The following TNS3 variants were observed in gnomAD, a reference collection of about 807,000 sequenced individuals.
TNS3 encodes tensin-3.
TNS3 carries 45 observed loss-of-function variants against 140.9 expected under a neutral mutation model. That is an observed-to-expected ratio of 0.32 (90% confidence interval 0.25 to 0.41). The LOEUF is 0.41. Among genes scored for constraint, TNS3 ranks in the 10% least tolerant of loss-of-function variants. The pLI is 1.00. For missense variants in TNS3, 1,716 were observed against 1,906.7 expected (o/e 0.90, Z 1.86); for synonymous variants, 815 against 788.4 (o/e 1.03, Z -0.56).
intron 3 of TNS3, among the ~76,000 whole-genome samples, chr7:47,482,346 T>A (rs746842299): frequency 6.6e-6 from 1 of 152,204 alleles, no homozygotes; most frequent in Non-Finnish European, 1.5e-5. Context: ...TGGCCGTTCC[T>A]GTGTCTGGGA....
chr7:47,455,217 C>A lies in TNS3; in HGVS notation c.-75-13162G>T, dbSNP rs111898400. 1.9e-3 allele frequency among the ~76,000 whole-genome samples: 293 copies of A among 152,272 alleles called. 2 individuals carry two copies. The highest frequency in any genetic ancestry group is 6.6e-3 in the African/African-American group (275 of 41,554). On this transcript the variant is annotated intron_variant, in intron 4 of 30. Transcript: ENST00000311160. The stretch of plus-strand genomic sequence containing the variant: ...GCAGCCAGCTGGTTCCATACAATAG[C>A]TCAATGTTTGCAAGGCTGAGGGAAG...
chr7:47,494,430 T>C (rs1797925160), intron 3 of TNS3, among the ~76,000 whole-genome samples: 3 of 152,246 alleles, frequency 2.0e-5, no homozygotes, highest in South Asian at 2.1e-4. Context: ...ATAAAGATTC[T>C]GAAAGCAGAA....
intron 3 of TNS3, among the ~76,000 whole-genome samples, chr7:47,503,943 C>T (rs1798318691): frequency 6.6e-6 from 1 of 152,154 alleles, no homozygotes; most frequent in Admixed American, 6.5e-5. Context: ...TTTATAGACA[C>T]TCCACCCTCG....
intron 3 of TNS3, among the ~76,000 whole-genome samples, chr7:47,486,835 A>G (rs1481475391): frequency 6.6e-6 from 1 of 152,260 alleles, no homozygotes; most frequent in Non-Finnish European, 1.5e-5. Flanking sequence ...CAGTTTCTCT[A>G]AAGCCGTGTG....
chr7:47,488,555 C>G (rs893157233), intron 3 of TNS3, among the ~76,000 whole-genome samples: 1 of 152,200 alleles, frequency 6.6e-6, no homozygotes, highest in Non-Finnish European at 1.5e-5. Flanking sequence ...TCTAAGGACA[C>G]CAGTCATACT....
chr7:47,425,856 T>C (rs1174802485), intron 9 of TNS3, among the ~76,000 whole-genome samples: 5 of 152,176 alleles, frequency 3.3e-5, no homozygotes, highest in African/African-American at 1.2e-4. Context: ...TGTTTGCAGT[T>C]TGTGATAAAG....
intron 16 of TNS3, among the ~76,000 whole-genome samples, chr7:47,384,075 G>T (rs549542315): frequency 6.6e-6 from 1 of 152,132 alleles, no homozygotes; most frequent in Admixed American, 6.5e-5. Flanking sequence ...CCTCCAGCCC[G>T]TGACCACCCA....
intron 20 of TNS3, among the ~76,000 whole-genome samples, chr7:47,308,217 T>C (rs938586091): frequency 3.3e-5 from 5 of 152,202 alleles, no homozygotes; most frequent in African/African-American, 9.6e-5. Flanking sequence ...CTATTCTTCA[T>C]TGAATTGCTT....
At chr7:47,525,681 C>T (rs192348629) in intron 2 of TNS3, among the ~76,000 whole-genome samples, 1 of 151,898 alleles carries the variant, frequency 6.6e-6, no homozygotes, top group Admixed American at 6.5e-5. Context: ...AATGCATTCA[C>T]TCAGACGCAT....
intron 22 of TNS3, 74 bp from the exon 23 acceptor site, chr7:47,302,346 C>G (rs1309540750): frequency 5.6e-6 from 7 of 1,245,038 alleles, no homozygotes; most frequent in Admixed American, 1.7e-5. Flanking sequence ...TGCTGTGATC[C>G]CAGAAGTCCA....
chr7:47,435,476 C>A, intron 7 of TNS3, 72 bp from the exon 8 acceptor site: 2 of 1,594,016 alleles, frequency 1.3e-6, no homozygotes, highest in South Asian at 1.1e-5. Flanking sequence ...ACAATGACTT[C>A]TTTCATCATC....
intron 16 of TNS3, among the ~76,000 whole-genome samples, chr7:47,395,614 C>T (rs1176113461): frequency 6.6e-6 from 1 of 152,206 alleles, no homozygotes; most frequent in African/African-American, 2.4e-5. Flanking sequence ...TTTTCAGCTA[C>T]ATTTCTTTTA....
chr7:47,462,718 G>A (rs1252415289), intron 4 of TNS3, among the ~76,000 whole-genome samples: 2 of 152,124 alleles, frequency 1.3e-5, no homozygotes, highest in Non-Finnish European at 1.5e-5. Flanking sequence ...GGCCAGGTCT[G>A]TCTTAGCTTT....
intron 4 of TNS3, among the ~76,000 whole-genome samples, chr7:47,479,394 A>G (rs996305980): frequency 6.6e-6 from 1 of 152,168 alleles, no homozygotes; most frequent in African/African-American, 2.4e-5. Flanking sequence ...CCCGGGGCCT[A>G]TGACAAGCCT....
chr7:47,537,386 T>C (rs1399243411), intron 1 of TNS3, among the ~76,000 whole-genome samples: 1 of 151,864 alleles, frequency 6.6e-6, no homozygotes, highest in Non-Finnish European at 1.5e-5. Context: ...CGTCCCTCCA[T>C]CTGACACGAA....
chr7:47,330,954 C>T (rs905067912), intron 20 of TNS3, among the ~76,000 whole-genome samples: 4 of 152,162 alleles, frequency 2.6e-5, no homozygotes, highest in Admixed American at 6.5e-5. Context: ...ATCTCTGTCC[C>T]ACCGGACTCG....
At chr7:47,391,044 G>C (rs534143451) in intron 16 of TNS3, among the ~76,000 whole-genome samples, 1 of 152,118 alleles carries the variant, frequency 6.6e-6, no homozygotes, top group Non-Finnish European at 1.5e-5. Context: ...CCGATCTCAC[G>C]ATCCACCACA....
At chr7:47,295,779 G>GC (rs1172943208) in intron 24 of TNS3, among the ~76,000 whole-genome samples, 2 of 152,106 alleles carry the variant, frequency 1.3e-5, no homozygotes, top group Non-Finnish European at 2.9e-5. Flanking sequence ...CTACAGCCCT[G>GC]CCTGAGGCTG....
At chr7:47,431,323 G>A (rs1350540668) in intron 8 of TNS3, among the ~76,000 whole-genome samples, 2 of 152,114 alleles carry the variant, frequency 1.3e-5, no homozygotes, top group Admixed American at 1.3e-4. Flanking sequence ...GGCAGGGCGC[G>A]GTGGCTCATG....
Sources: allele counts gnomAD v4.1 joint callset (sites outside exome capture counted in the v4.1 genomes callset), GRCh38; gene constraint gnomAD v4.1.1; transcripts MANE v1.5; gene names NCBI Gene and HGNC (gene_info 2026-07-23, HGNC 2026-07-21).